UGGT1: variants seen among roughly 807,000 people sequenced by gnomAD.
The protein encoded by UGGT1 is UDP-glucose:glycoprotein glucosyltransferase 1.
UGGT1 carries 107 observed loss-of-function variants against 203.9 expected under a neutral mutation model. That is an observed-to-expected ratio of 0.52 (90% confidence interval 0.45 to 0.62). UGGT1 has a LOEUF of 0.62. Ranked by LOEUF, UGGT1 falls within the 20% of genes least tolerant of loss-of-function variation. UGGT1 has a pLI of 0.00. For synonymous variants in UGGT1, 628 were observed against 653.5 expected (o/e 0.96, Z 0.59); for missense variants, 1,673 against 1,867.2 (o/e 0.90, Z 1.92).
At chr2:128,161,975 A>AC (rs1369499601) in intron 25 of UGGT1, among the ~76,000 whole-genome samples, 3 of 152,166 alleles carry the variant, frequency 2.0e-5, no homozygotes, top group African/African-American at 7.2e-5. Flanking sequence ...CCCACTGGCA[A>AC]TGCTCAAGGG....
rs1374395955 is a variant in UGGT1 at position 128,143,166 on chromosome 2, C to A, written c.1792C>A (p.Pro598Thr). The stretch of plus-strand genomic sequence containing the variant: ...GGTCAGTGTCCTGGAGAAGAAATAT[C>A]CGTATGTAGAAGTGAATAGCATTTT... ...HVVSVLEKKY[P>T]YVEVNSILGI... Residue 598 changes from proline (P) to threonine (T), a missense_variant, in exon 17 of 41, where the codon CCG (proline) becomes ACG (threonine). Pro to Thr is a conservative substitution (Grantham distance 38). Transcript: ENST00000259253. 6.2e-7 allele frequency: 1 copy of A among 1,613,788 alleles called. No homozygotes were observed. Among genetic ancestry groups the A allele is most frequent in the East Asian group, 2.2e-5 (1 of 44,828 alleles).
At chr2:128,095,638 G>A (rs1687087648) in intron 1 of UGGT1, among the ~76,000 whole-genome samples, 1 of 152,138 alleles carries the variant, frequency 6.6e-6, no homozygotes, top group Non-Finnish European at 1.5e-5. Flanking sequence ...ATAGGTGCAT[G>A]CCACCATGCC....
chr2:128,091,586 T>G (rs1686867133), intron 1 of UGGT1, 171 bp downstream of exon 1: 3 of 1,438,824 alleles, frequency 2.1e-6, no homozygotes, highest in African/African-American at 1.5e-5. Context: ...CTCAGTGGTC[T>G]TCTTGGCAAG....
At chr2:128,142,956 G>A in intron 16 of UGGT1, 138 bp from the exon 17 acceptor site, 1 of 883,442 alleles carries the variant, frequency 1.1e-6, no homozygotes, top group Non-Finnish European at 1.6e-6. Flanking sequence ...CTCCAACCTG[G>A]GTGACAGCAA....
chr2:128,155,944 T>G (rs1690207091), intron 20 of UGGT1, among the ~76,000 whole-genome samples: 1 of 152,194 alleles, frequency 6.6e-6, no homozygotes, highest in Admixed American at 6.5e-5. Flanking sequence ...TATTTTGGGG[T>G]TTATAAGATA....
At chr2:128,185,654 T>C (rs966597082) in intron 38 of UGGT1, among the ~76,000 whole-genome samples, 2 of 151,906 alleles carry the variant, frequency 1.3e-5, no homozygotes, top group African/African-American at 4.8e-5. Flanking sequence ...TTTGTATTTT[T>C]TATAGAGATG....
intron 1 of UGGT1, 159 bp downstream of exon 1, chr2:128,091,574 C>G (rs1686866376): frequency 6.9e-7 from 1 of 1,441,968 alleles, no homozygotes; most frequent in African/African-American, 1.5e-5. Context: ...CCCCGAGTTG[C>G]CCTCAGTGGT....
chr2:128,187,708 G>T, intron 40 of UGGT1, 94 bp downstream of exon 40: 6 of 1,324,492 alleles, frequency 4.5e-6, no homozygotes, highest in Non-Finnish European at 5.0e-6. Flanking sequence ...AAAAGGAAGA[G>T]AAAAATCTCC....
At chr2:128,154,972 C>CA (rs1656412654) in intron 19 of UGGT1, among the ~76,000 whole-genome samples, 1 of 152,156 alleles carries the variant, frequency 6.6e-6, no homozygotes, top group Non-Finnish European at 1.5e-5. Flanking sequence ...TGCCCTTTGA[C>CA]ACTAATTGGA....
intron 1 of UGGT1, among the ~76,000 whole-genome samples, chr2:128,095,362 T>C (rs1337129735): frequency 2.6e-5 from 4 of 151,938 alleles, no homozygotes; most frequent in Non-Finnish European, 5.9e-5. Flanking sequence ...CTCCTTCCTC[T>C]TCTTCTTCCT....
Position 128,159,589 on chromosome 2 carries a change from T to A in UGGT1, c.2431T>A (p.Ser811Thr). Residue 811 changes from serine to threonine, a missense_variant, in exon 23 of 41, where the codon TCC becomes ACC. Ser to Thr is a moderately conservative substitution (Grantham distance 58, BLOSUM62 1). Around this residue, in one of 4 missense-constraint regions of UGGT1, gnomAD observed 1,073 missense variants for 1,078.7 expected, o/e 0.99. Coordinates refer to ENST00000259253, the MANE Select transcript of UGGT1 (RefSeq NM_020120.4). ...GATAAGCTATGAGAACACTCAGATC[T>A]CCAGAGCAATCTGGGCAGCTCTCCA... is the stretch of plus-strand genomic sequence containing the variant. ...KEISYENTQI[S>T]RAIWAALQTQ... 1 of 1,614,148 alleles carries A rather than the reference T, an allele frequency of 6.2e-7. No homozygotes were observed. The highest frequency in any genetic ancestry group is 8.5e-7 in the Non-Finnish European group (1 of 1,180,008).
intron 19 of UGGT1, among the ~76,000 whole-genome samples, chr2:128,153,965 TATCA>T (rs1185582558): frequency 6.6e-6 from 1 of 152,186 alleles, no homozygotes; most frequent in Non-Finnish European, 1.5e-5. Flanking sequence ...ATAATGAACA[TATCA>T]ATCTATTTAT....
chr2:128,157,088 A>G (rs1348585813), intron 21 of UGGT1, among the ~76,000 whole-genome samples, 164 bp from the exon 22 acceptor site: 2 of 152,156 alleles, frequency 1.3e-5, no homozygotes, highest in African/African-American at 4.8e-5. Flanking sequence ...CTGCTTTCCT[A>G]TAGTAAAGGT....
At chr2:128,101,163 G>C (rs1438893639) in intron 2 of UGGT1, among the ~76,000 whole-genome samples, 1 of 152,144 alleles carries the variant, frequency 6.6e-6, no homozygotes, top group South Asian at 2.1e-4. Context: ...ATGCTTATTA[G>C]AATCCACTTA....
At chr2:128,144,826 A>G (rs1689604252) in intron 17 of UGGT1, among the ~76,000 whole-genome samples, 1 of 152,196 alleles carries the variant, frequency 6.6e-6, no homozygotes, top group Non-Finnish European at 1.5e-5. Flanking sequence ...GTGCTATCTA[A>G]AATGGTTATA....
intron 5 of UGGT1, among the ~76,000 whole-genome samples, chr2:128,110,821 G>A (rs1042718983): frequency 1.5e-4 from 23 of 152,238 alleles, no homozygotes; most frequent in African/African-American, 2.9e-4. Context: ...GCATAACCTA[G>A]GTAAGACTGT....
At chr2:128,151,557 T>C (rs1689974758) in intron 18 of UGGT1, among the ~76,000 whole-genome samples, 1 of 152,206 alleles carries the variant, frequency 6.6e-6, no homozygotes, top group African/African-American at 2.4e-5. Flanking sequence ...CTACAAATAA[T>C]GTCTAATTGG....
Position 128,171,490 on chromosome 2 carries a change from G to A in UGGT1, c.3104+206G>A, listed in dbSNP as rs1402384934. 4 of 525,520 alleles carry A rather than the reference G, an allele frequency of 7.6e-6. No individual in the cohort carries two copies. The African/African-American group carries it at 8.0e-5, about 10-fold the overall frequency. The allele number at this position is 525,520 out of a possible 1,614,324, so 32.6% of individuals were successfully genotyped here. On this transcript the variant is annotated intron_variant, in intron 28 of 40. Transcript: ENST00000259253. ...GTAGCATTTAGGTGGCATTAACCCA[G>A]GCTGCTTGCATTTGTGCCTTTTCTT...
rs1692175838 is a variant in UGGT1, at chr2:128,189,990, ATTC to A, written c.*253_*255del. 4.8e-6 allele frequency: 2 copies of A among 418,728 alleles called. No individual in the cohort carries two copies. The highest frequency in any genetic ancestry group is 4.0e-5 in the African/African-American group (2 of 50,364). 25.9% of individuals were successfully genotyped at this position (418,728 alleles called of 1,614,324 possible). On this transcript the variant is annotated 3_prime_UTR_variant, in exon 41 of 41. Transcript: ENST00000259253. ...TGATCCTTTGGACTCTGTAAAGAGC[ATTC>A]TTCTAGTCAGAGGGTGGAATGGCAG...
Sources: allele counts gnomAD v4.1 joint callset (sites outside exome capture counted in the v4.1 genomes callset), GRCh38; gene constraint gnomAD v4.1.1; regional missense constraint gnomAD v4.1.1; transcripts MANE v1.5; gene names NCBI Gene and HGNC (gene_info 2026-07-23, HGNC 2026-07-21).